The following C10orf67 variants were observed in gnomAD, a reference collection of about 807,000 sequenced individuals.
The protein encoded by C10orf67 is uncharacterized protein C10orf67, mitochondrial.
C10orf67 carries 60 observed loss-of-function variants against 35.6 expected under a neutral mutation model. The observed-to-expected ratio is 1.68, with a 90% CI of 1.37 to 2.09. The LOEUF (loss-of-function observed/expected upper bound fraction) is 2.09, where lower values mean the gene tolerates loss of function less well. Among genes scored for constraint, C10orf67 ranks in the 30% most tolerant of loss-of-function variants. The pLI, the probability that C10orf67 is intolerant of heterozygous loss-of-function variation, is 0.00. For missense variants in C10orf67, 474 were observed against 330.2 expected (o/e 1.44, Z -3.38); for synonymous variants, 167 against 115.8 (o/e 1.44, Z -2.84).
intron 7 of C10orf67, among the ~76,000 whole-genome samples, chr10:23,284,105 T>C (rs1287447566): frequency 7.9e-6 from 1 of 126,196 alleles, no homozygotes; most frequent in Admixed American, 8.4e-5. Flanking sequence ...TTTAAGTGCA[T>C]CCAGGGCTTA....
At chr10:23,225,090 A>G (rs1841699890) in intron 13 of C10orf67, among the ~76,000 whole-genome samples, 3 of 152,202 alleles carry the variant, frequency 2.0e-5, no homozygotes, top group African/African-American at 7.2e-5. Flanking sequence ...AATTGAAATG[A>G]AGGAAAAAAT....
intron 12 of C10orf67, among the ~76,000 whole-genome samples, chr10:23,248,336 A>G (rs1842367710): frequency 6.6e-6 from 1 of 152,222 alleles, no homozygotes; most frequent in Non-Finnish European, 1.5e-5. Context: ...TGTTTGTGCG[A>G]CAATGATGAC....
At chr10:23,293,075 T>C (rs982990797) in intron 5 of C10orf67, among the ~76,000 whole-genome samples, 1 of 152,112 alleles carries the variant, frequency 6.6e-6, no homozygotes, top group Non-Finnish European at 1.5e-5. Flanking sequence ...TTCCTAACAG[T>C]GGCAGAATAT....
At chr10:23,339,402 CAAAAAAAAA>C (rs34805547) in intron 1 of C10orf67, among the ~76,000 whole-genome samples, 10 of 72,332 alleles carry the variant, frequency 1.4e-4, no homozygotes, top group South Asian at 6.3e-4. Context: ...AAAAAGGCAG[CAAAAAAAAA>C]AAAAAAAAAA....
At chr10:23,219,384 A>G (rs1468859085) in intron 15 of C10orf67, among the ~76,000 whole-genome samples, 3 of 152,214 alleles carry the variant, frequency 2.0e-5, no homozygotes, top group African/African-American at 7.2e-5. Flanking sequence ...AAAGATTACA[A>G]TGTCAATAGC....
At position 23,291,617 on chromosome 10, in the gene C10orf67, T is replaced by C. The variant is rs1018263960; in HGVS notation, c.703-338A>G. Among the ~76,000 whole-genome samples the C allele has an allele frequency of 7.9e-5, 12 of 152,284 alleles. No individual in the cohort carries two copies. In the South Asian group the frequency reaches 2.5e-3, roughly 32 times the overall value. ...CCACCCACACTTCCCTCTGTGTGTG[T>C]CTGAAGTGCTGTCCGCCTGTAACTA... On this transcript the variant is annotated intron_variant, in intron 5 of 15. Transcript: ENST00000636213.
At chr10:23,205,769 A>G (rs1222537790) in intron 15 of C10orf67, among the ~76,000 whole-genome samples, 1 of 152,252 alleles carries the variant, frequency 6.6e-6, no homozygotes, top group African/African-American at 2.4e-5. Flanking sequence ...AATAACTCAG[A>G]AACATTGCTT....
At chr10:23,332,867 A>G (rs1845538597) in intron 2 of C10orf67, among the ~76,000 whole-genome samples, 195 bp downstream of exon 2, 1 of 152,256 alleles carries the variant, frequency 6.6e-6, no homozygotes, top group African/African-American at 2.4e-5. Flanking sequence ...TAAACAAATT[A>G]ACATGTAAGT....
rs1449574574 is a variant in C10orf67, at chr10:23,285,352, A to G, written c.910-3274T>C. Among the ~76,000 whole-genome samples, 7 of 149,092 alleles carry G rather than the reference A, an allele frequency of 4.7e-5. No individual in the cohort carries two copies. The Admixed American group carries it at 4.7e-4, about 10-fold the overall frequency. Reference sequence around the variant, plus strand: ...AAGCAGATTAGGACTCTGCTATACTATATTATATAATTTGTTATATATATT... The same window carrying G: ...AAGCAGATTAGGACTCTGCTATACTGTATTATATAATTTGTTATATATATT... On this transcript the variant is annotated intron_variant, in intron 7 of 15. Transcript: ENST00000636213.
intron 15 of C10orf67, among the ~76,000 whole-genome samples, chr10:23,218,171 T>G (rs1841480027): frequency 6.6e-6 from 1 of 152,122 alleles, no homozygotes; most frequent in Non-Finnish European, 1.5e-5. Flanking sequence ...GTTGAGACAG[T>G]CTTTGTTGCC....
At chr10:23,209,998 T>TAA (rs59247961) in intron 15 of C10orf67, among the ~76,000 whole-genome samples, 5,466 of 67,128 alleles carry the variant, frequency 0.081, 505 homozygotes, top group East Asian at 0.61. Context: ...AGACCTTGGC[T>TAA]AAAAAAAAAA....
chr10:23,274,865 G>A (rs989702577), intron 8 of C10orf67, among the ~76,000 whole-genome samples: 4 of 152,136 alleles, frequency 2.6e-5, no homozygotes, highest in Non-Finnish European at 5.9e-5. Context: ...CACAATTTAT[G>A]TTCAGAGACT....
At position 23,203,965 on chromosome 10, in the gene C10orf67, C is replaced by T. The variant is rs531739354; in HGVS notation, c.*208G>A. The stretch of plus-strand genomic sequence containing the variant: ...TCACCCAGCACCAGCCAGGGCTTTC[C>T]TTAAAGGCGTGGAAAGGAGCGCGCA... On this transcript the variant is annotated 3_prime_UTR_variant, in exon 16 of 16. Transcript: ENST00000636213. 14 of 364,546 alleles carry T rather than the reference C, an allele frequency of 3.8e-5. No individual in the cohort carries two copies. The Admixed American group carries it at 4.2e-4, about 11-fold the overall frequency. The allele number at this position is 364,546 out of a possible 1,614,324, so 22.6% of individuals were successfully genotyped here.
intron 5 of C10orf67, among the ~76,000 whole-genome samples, chr10:23,294,258 A>G (rs949836863): frequency 6.6e-6 from 1 of 152,136 alleles, no homozygotes; most frequent in Admixed American, 6.6e-5. Flanking sequence ...ATATGCTCGC[A>G]ATGGAAGGTA....
At chr10:23,283,561 G>C (rs113363669) in intron 7 of C10orf67, among the ~76,000 whole-genome samples, 191 of 152,204 alleles carry the variant, frequency 1.3e-3, no homozygotes, top group African/African-American at 4.5e-3. Flanking sequence ...CACTCAGAAG[G>C]TAATTCAAAC....
intron 15 of C10orf67, among the ~76,000 whole-genome samples, chr10:23,214,894 G>A (rs1368898229): frequency 2.6e-5 from 4 of 152,022 alleles, no homozygotes; most frequent in Non-Finnish European, 2.9e-5. Context: ...ATGGTGGCAC[G>A]CACCTGTAAT....
At chr10:23,226,995 A>T (rs1455717355) in intron 13 of C10orf67, among the ~76,000 whole-genome samples, 1 of 152,208 alleles carries the variant, frequency 6.6e-6, no homozygotes, top group Admixed American at 6.5e-5. Flanking sequence ...ATTCACAGCC[A>T]AATTCTGCCA....
At position 23,280,729 on chromosome 10, in the gene C10orf67, A is replaced by T. The variant is rs187076943; in HGVS notation, c.975+1284T>A. ...TTGGTTCCCCTGTGAGCAATACAAT[A>T]GCACCCGTTAAAGGCTTACAGTTAA... On this transcript the variant is annotated intron_variant, in intron 8 of 15. Transcript: ENST00000636213. Among the ~76,000 whole-genome samples the T allele has an allele frequency of 2.1e-3, 319 of 152,324 alleles. 3 individuals are homozygous for T. The highest frequency in any genetic ancestry group is 7.4e-3 in the African/African-American group (309 of 41,566).
At chr10:23,301,445 T>G (rs547570728) in intron 5 of C10orf67, among the ~76,000 whole-genome samples, 69 of 152,304 alleles carry the variant, frequency 4.5e-4, no homozygotes, top group Non-Finnish European at 9.0e-4. Context: ...TTTCCTCCAA[T>G]TCTAAGGATA....
Sources: allele counts gnomAD v4.1 joint callset (sites outside exome capture counted in the v4.1 genomes callset), GRCh38; gene constraint gnomAD v4.1.1; transcripts MANE v1.5; gene names NCBI Gene and HGNC (gene_info 2026-07-23, HGNC 2026-07-21).